PATL2: variants seen among roughly 807,000 people sequenced by gnomAD.
PATL2 encodes PAT1 homolog 2, also known as protein PAT1 homolog 2.
In PATL2, 73 loss-of-function variants were observed where a neutral mutation model predicts 77.0. The ratio of observed to expected loss-of-function variants is 0.95; its 90% confidence interval spans 0.78 to 1.15. The LOEUF is 1.15. Ranked by LOEUF, PATL2 falls within the 50% of genes most tolerant of loss-of-function variation. The pLI, the probability that PATL2 is intolerant of heterozygous loss-of-function variation, is 0.00. For missense variants in PATL2, 618 were observed against 655.4 expected (o/e 0.94, Z 0.62); for synonymous variants, 265 against 257.1 (o/e 1.03, Z -0.29).
chr15:44,669,887 A>C lies in PATL2; in HGVS notation c.779-13T>G. Reference sequence around the variant, plus strand: ...TCGATTCGGACCACTGCATGAGAAGAGAGGCACATTTCCTTCCCCCTCCCA... The same window carrying C: ...TCGATTCGGACCACTGCATGAGAAGCGAGGCACATTTCCTTCCCCCTCCCA... On this transcript the variant is annotated splice_polypyrimidine_tract_variant and intron_variant, in intron 10 of 17. Transcript: ENST00000682850. 1 of 1,551,462 alleles carries C rather than the reference A, an allele frequency of 6.4e-7. No individual in the cohort carries two copies.
At chr15:44,711,352 T>A, upstream of PATL2, 1 of 691,258 alleles carries the variant, frequency 1.4e-6, no homozygotes. Flanking sequence ...GCATGCCTTC[T>A]TAAACATCAC....
At chr15:44,708,997 C>T (rs1779419974) in intron 3 of PATL2, among the ~76,000 whole-genome samples, 1 of 152,136 alleles carries the variant, frequency 6.6e-6, no homozygotes. Context: ...CTCCCAGGTT[C>T]AAGCAATTCT....
intron 3 of PATL2, among the ~76,000 whole-genome samples, chr15:44,703,478 C>T (rs1448927276): frequency 1.3e-5 from 2 of 151,928 alleles, no homozygotes; most frequent in Non-Finnish European, 2.9e-5. Context: ...AGTTGGAATG[C>T]ATATATTTTT....
chr15:44,670,200 T>A, intron 9 of PATL2, 113 bp from the exon 10 acceptor site: 1 of 1,401,124 alleles, frequency 7.1e-7, no homozygotes, highest in Non-Finnish European at 9.5e-7. Context: ...TTTGTGTGTG[T>A]TATAAGTTTT....
chr15:44,676,518 A>G lies in PATL2; in HGVS notation c.-28T>C, dbSNP rs755689486. 8.4e-6 allele frequency: 13 copies of G among 1,551,410 alleles called. No homozygotes were observed. The highest frequency in any genetic ancestry group is 1.1e-5 in the Non-Finnish European group (13 of 1,146,826). On this transcript the variant is annotated 5_prime_UTR_variant, in exon 4 of 18. Transcript: ENST00000682850. ...TGGCAGGCTGGTGGACTTCCTTCTT[A>G]GCCGTGTCCTCCAGTGAAACAGCAT...
At chr15:44,693,802 C>T (rs573829870) in intron 3 of PATL2, among the ~76,000 whole-genome samples, 51 of 151,910 alleles carry the variant, frequency 3.4e-4, no homozygotes, top group Admixed American at 2.4e-3. Context: ...GCACTTCAAG[C>T]GGTTTTCCTG....
chr15:44,694,512 C>T (rs1213948015), intron 3 of PATL2, among the ~76,000 whole-genome samples: 1 of 152,114 alleles, frequency 6.6e-6, no homozygotes, highest in Non-Finnish European at 1.5e-5. Context: ...TAAACTTCCG[C>T]TCCTAAACTC....
intron 9 of PATL2, among the ~76,000 whole-genome samples, chr15:44,670,779 C>T (rs894178865): frequency 1.3e-5 from 2 of 152,218 alleles, no homozygotes; most frequent in Admixed American, 6.5e-5. Context: ...CTGTCCTCCC[C>T]ACTTCCCCAT....
chr15:44,698,365 A>G (rs947945814), intron 3 of PATL2, among the ~76,000 whole-genome samples: 1 of 152,114 alleles, frequency 6.6e-6, no homozygotes, highest in African/African-American at 2.4e-5. Flanking sequence ...TTTTGTATCC[A>G]TTAACCATTT....
intron 4 of PATL2, chr15:44,676,049 C>T (rs970474672): frequency 9.5e-6 from 3 of 317,334 alleles, no homozygotes; most frequent in African/African-American, 2.2e-5. Context: ...ACAAAAGGAA[C>T]CCGGCAGATA....
At chr15:44,695,372 T>A (rs2086482399) in intron 3 of PATL2, among the ~76,000 whole-genome samples, 1 of 152,196 alleles carries the variant, frequency 6.6e-6, no homozygotes. Flanking sequence ...CCAATCATGT[T>A]CAAGATGGCA....
chr15:44,698,503 A>G (rs2086559703), intron 3 of PATL2, among the ~76,000 whole-genome samples: 1 of 152,026 alleles, frequency 6.6e-6, no homozygotes, highest in Non-Finnish European at 1.5e-5. Context: ...TTGTCTTTCT[A>G]TGCCTGGCTT....
At chr15:44,702,374 C>T (rs1043788200) in intron 3 of PATL2, among the ~76,000 whole-genome samples, 2 of 148,056 alleles carry the variant, frequency 1.4e-5, no homozygotes, top group Non-Finnish European at 3.0e-5. Flanking sequence ...TGAGTCTTCT[C>T]TCCTTTTTTT....
At chr15:44,673,172 T>C in intron 7 of PATL2, 63 bp downstream of exon 7, 1 of 1,522,804 alleles carries the variant, frequency 6.6e-7, no homozygotes, top group Admixed American at 2.1e-5. Context: ...CTGGTAGGCA[T>C]GGTCCCCGCC....
intron 8 of PATL2, 75 bp downstream of exon 8, chr15:44,672,313 G>T (rs1348526520): frequency 6.6e-7 from 1 of 1,524,374 alleles, no homozygotes; most frequent in Admixed American, 2.0e-5. Context: ...AGATTTGAGG[G>T]AGACAACTGG....
rs1306423344 is a variant in PATL2 at position 44,705,505 on chromosome 15, G to A, written c.-76+4591C>T. 6.6e-5 allele frequency among the ~76,000 whole-genome samples: 10 copies of A among 152,076 alleles called. 1 individual carries two copies. The highest frequency in any genetic ancestry group is 4.2e-4 in the South Asian group (2 of 4,816). Reference sequence around the variant, plus strand: ...GCAGCCAGTAACTCTTAAATTTGCCGTTTTGAGGCTATTTTCTAGATCTTG... The same window carrying A: ...GCAGCCAGTAACTCTTAAATTTGCCATTTTGAGGCTATTTTCTAGATCTTG... On this transcript the variant is annotated intron_variant, in intron 3 of 17. Transcript: ENST00000682850.
chr15:44,671,695 C>A (rs558073088), intron 9 of PATL2, among the ~76,000 whole-genome samples: 54 of 152,254 alleles, frequency 3.5e-4, no homozygotes, highest in Non-Finnish European at 5.7e-4. Flanking sequence ...ATGAATATAA[C>A]AAGACATTTC....
At position 44,675,324 on chromosome 15, in the gene PATL2, G is replaced by A. The variant is rs941487590; in HGVS notation, c.222+162C>T. 5.4e-5 allele frequency: 41 copies of A among 755,072 alleles called. 2 individuals are homozygous for A. In the South Asian group the frequency reaches 7.5e-4, roughly 14 times the overall value. The allele number at this position is 755,072 out of a possible 1,614,324, so 46.8% of individuals were successfully genotyped here. A position where few individuals can be genotyped will look rare whatever the true frequency, so the allele number is the denominator to read the frequency against. ...TGAAGTGGGAGACAGGAGAAAGAGG[G>A]AAGGAGAGAGTCCCTAACTCAAGTT... On this transcript the variant is annotated intron_variant, in intron 5 of 17. Transcript: ENST00000682850.
chr15:44,695,383 G>A (rs1026495513), intron 3 of PATL2, among the ~76,000 whole-genome samples: 30 of 152,200 alleles, frequency 2.0e-4, no homozygotes, highest in African/African-American at 7.2e-4. Flanking sequence ...CAAGATGGCA[G>A]CTCCATCTTC....
Sources: allele counts gnomAD v4.1 joint callset (sites outside exome capture counted in the v4.1 genomes callset), GRCh38; gene constraint gnomAD v4.1.1; transcripts MANE v1.5; gene names NCBI Gene and HGNC (gene_info 2026-07-23, HGNC 2026-07-21).